Variants in ENTPD8 observed in about 807,000 individuals in gnomAD.
The protein encoded by ENTPD8 is E-NTPDase 8.
Under a neutral mutation model 47.0 loss-of-function variants are expected in ENTPD8, and 35 were observed. The observed-to-expected ratio is 0.75, with a 90% confidence interval of 0.57 to 0.99. The LOEUF is 0.99. Ranked by LOEUF, ENTPD8 falls within the 50% of genes least tolerant of loss-of-function variation. The pLI is 0.00. For missense variants in ENTPD8, 668 were observed against 649.9 expected (o/e 1.03, Z -0.30); for synonymous variants, 308 against 290.5 (o/e 1.06, Z -0.61).
At position 137,436,208 on chromosome 9, in the gene ENTPD8, G is replaced by T. The variant is rs1346309131; in HGVS notation, c.855C>A (p.Gly285=). 10 of 1,612,178 alleles carry T rather than the reference G, an allele frequency of 6.2e-6. No individual in the cohort carries two copies. The highest frequency in any genetic ancestry group is 2.2e-5 in the South Asian group (2 of 91,080). ...LSGYQTTLAL[G]PLYESPCVHA... is the part of the protein sequence containing the mutation. ...GGACACAGGGTGACTCATACAGCGG[G>T]CCCAGGGCCAGTGTGGTCTGGTAGC... Residue 285 remains glycine (G), a synonymous_variant, in exon 7 of 10, where the codon GGC becomes GGA. Transcript: ENST00000371506.
intron 8 of ENTPD8, 55 bp from the exon 9 acceptor site, chr9:137,435,393 G>T: frequency 6.4e-7 from 1 of 1,572,388 alleles, no homozygotes. Flanking sequence ...CCAGTCATGC[G>T]GGGACCGCCC....
rs759971648 is a variant in ENTPD8, at chr9:137,436,266, G to A, written c.797C>T (p.Ala266Val). 10 of 1,591,826 alleles carry A rather than the reference G, an allele frequency of 6.3e-6. No homozygotes were observed. In the South Asian group the frequency reaches 1.1e-4, roughly 18 times the overall value. Residue 266 changes from alanine to valine, a missense_variant, in exon 7 of 10, where the codon GCT becomes GTT. Ala to Val is a moderately conservative substitution (Grantham distance 64). Transcript: ENST00000371506. Reference protein sequence around the residue: ...LLVGLVQSRPAALLRHPCYLS... With the variant: ...LLVGLVQSRPVALLRHPCYLS... ...GTAGCACGGGTGACGGAGCAGGGCA[G>A]CCGGGCGGCTCTGCAGAGGGCAGGG...
At chr9:137,437,130 C>T (rs371537336) in intron 4 of ENTPD8, 29 bp downstream of exon 4, 197 of 1,608,486 alleles carry the variant, frequency 1.2e-4, no homozygotes, top group Middle Eastern at 1.7e-4. Context: ...AGCCACTCCC[C>T]GTGGGTGCCA....
At chr9:137,439,920 GCCCCCAGACCAGGAGAGC>G (rs1839474003) in intron 1 of ENTPD8, among the ~76,000 whole-genome samples, 1 of 70,910 alleles carries the variant, frequency 1.4e-5, no homozygotes, top group Non-Finnish European at 2.6e-5. Flanking sequence ...CCAGGACAGT[GCCCCCAGACCAGGAGAGC>G]CCCCCAGACC....
Position 137,438,186 on chromosome 9 carries a change from T to C in ENTPD8, c.100A>G (p.Ser34Gly). The C allele has an allele frequency of 6.2e-7, 1 of 1,608,938 alleles. No individual in the cohort carries two copies. The highest frequency in any genetic ancestry group is 8.5e-7 in the Non-Finnish European group (1 of 1,178,074). Residue 34 changes from serine to glycine, a missense_variant, in exon 2 of 10, where the codon AGC (serine) becomes GGC (glycine). Transcript: ENST00000371506. This position sits in a 1 kb window ranked among gnomAD's most constrained non-coding sequence, Gnocchi z 5.7. ...ALILLLVEAT[S>G]VLLPTDIKFG... Reference sequence around the variant, plus strand: ...TTGATGTCTGTGGGCAGGAGCACGCTGGTGGCCTCCACCAGGAGGAGAATG... The same window carrying C: ...TTGATGTCTGTGGGCAGGAGCACGCCGGTGGCCTCCACCAGGAGGAGAATG...
chr9:137,435,666 C>A, intron 8 of ENTPD8, 53 bp downstream of exon 8: 1 of 1,519,876 alleles, frequency 6.6e-7, no homozygotes, highest in Non-Finnish European at 9.1e-7. Flanking sequence ...CCCGAGGCAG[C>A]CCTGTACCCT....
rs1286401647 is a variant in ENTPD8 at position 137,434,788 on chromosome 9, TG to T, written c.*125del. ...CACCACCCTGACGGTGCCCTGGAGG[TG>T]GCTGTCACCTGACCGTGGGCAGAGC... On this transcript the variant is annotated 3_prime_UTR_variant, in exon 10 of 10. Coordinates refer to ENST00000371506, the MANE Select transcript of ENTPD8 (RefSeq NM_001033113.2). 2.1e-5 allele frequency: 26 copies of T among 1,211,624 alleles called. No individual in the cohort carries two copies. In the African/African-American group the frequency reaches 3.7e-4, roughly 17 times the overall value. The allele number at this position is 1,211,624 out of a possible 1,614,324, so 75.1% of individuals were successfully genotyped here.
Position 137,434,903 on chromosome 9 carries a change from C to A in ENTPD8, c.*11G>T. The A allele has an allele frequency of 6.2e-7, 1 of 1,600,520 alleles. No homozygotes were observed. The highest frequency in any genetic ancestry group is 8.5e-7 in the Non-Finnish European group (1 of 1,173,226). On this transcript the variant is annotated 3_prime_UTR_variant, in exon 10 of 10. Coordinates refer to ENST00000371506, the MANE Select transcript of ENTPD8 (RefSeq NM_001033113.2). The stretch of plus-strand genomic sequence containing the variant: ...CTGTGGGCTCTGTGGGGGCCCACCT[C>A]CGCCTTCCCACTAGTCCTGCAACCA...
intron 9 of ENTPD8, 42 bp from the exon 10 acceptor site, chr9:137,435,147 C>G (rs372533240): frequency 6.2e-7 from 1 of 1,602,314 alleles, no homozygotes; most frequent in Non-Finnish European, 8.5e-7. Flanking sequence ...GGCAGCTACC[C>G]CAGGACCACG....
At position 137,438,126 on chromosome 9, in the gene ENTPD8, C is replaced by G. The variant is rs1839420173; in HGVS notation, c.126+34G>C. 1 of 1,609,896 alleles carries G rather than the reference C, an allele frequency of 6.2e-7. No individual in the cohort carries two copies. Among genetic ancestry groups the G allele is most frequent in the Admixed American group, 1.7e-5 (1 of 59,860 alleles). On this transcript the variant is annotated intron_variant, in intron 2 of 9. Transcript: ENST00000371506. The surrounding 1 kb of genome is among the most constrained non-coding windows in gnomAD (Gnocchi z 5.7). The stretch of plus-strand genomic sequence containing the variant: ...ATGAGTGGGAGGCAACACCTGTGGA[C>G]CCGGCCCGGCCTCCCCTGCCGGCGG...
At position 137,437,027 on chromosome 9, in the gene ENTPD8, G is replaced by A. The variant is rs183326706; in HGVS notation, c.397C>T (p.Arg133Trp). ...GATAGMRLLS[R>W]KNSSQARDIF... is the part of the protein sequence containing the mutation. The stretch of plus-strand genomic sequence containing the variant: ...TCCCTGGCCTGAGAGCTGTTCTTCC[G>A]GCTGGGCACAGAGGACCAGGGGCTG... Residue 133 changes from arginine (R) to tryptophan (W), a missense_variant and splice_region_variant, in exon 5 of 10, where the codon CGG becomes TGG. Coordinates refer to ENST00000371506, the MANE Select transcript of ENTPD8 (RefSeq NM_001033113.2). The A allele has an allele frequency of 1.7e-4, 275 of 1,611,974 alleles. No individual in the cohort carries two copies. Among genetic ancestry groups the A allele is most frequent in the Admixed American group, 6.3e-4 (38 of 59,978 alleles).
intron 4 of ENTPD8, 61 bp from the exon 5 acceptor site, chr9:137,437,089 C>G: frequency 6.2e-7 from 1 of 1,601,034 alleles, no homozygotes; most frequent in Non-Finnish European, 8.5e-7. Context: ...CCCACCCTGC[C>G]TGCCACGCTG....
In ENTPD8 at chr9:137,436,096, G is replaced by A. The variant is rs748751798; in HGVS notation, c.967C>T (p.Leu323Phe). ...CCCTGGCAGCTGGAGAAGTTGAAAAGTTCCCGGATGGCTGAGACGCAGGCT... is the reference window on the plus strand; with the variant it reads ...CCCTGGCAGCTGGAGAAGTTGAAAAATTCCCGGATGGCTGAGACGCAGGCT... ...PGACVSAIRELFNFSSCQGQE... is the reference protein window; with the variant it reads ...PGACVSAIREFFNFSSCQGQE... The change falls in exon 7 of 10, where the codon CTT becomes TTT. Residue 323 changes from leucine to phenylalanine, a missense_variant. Leu to Phe is a conservative substitution (Grantham distance 22). Coordinates refer to ENST00000371506, the MANE Select transcript of ENTPD8 (RefSeq NM_001033113.2). 1.2e-6 allele frequency: 2 copies of A among 1,613,022 alleles called. No individual in the cohort carries two copies. The highest frequency in any genetic ancestry group is 1.7e-6 in the Non-Finnish European group (2 of 1,179,992).
chr9:137,439,480 C>T (rs912251384), intron 1 of ENTPD8, among the ~76,000 whole-genome samples: 2 of 152,144 alleles, frequency 1.3e-5, no homozygotes, highest in Admixed American at 6.5e-5. Flanking sequence ...GAGTGGCAGG[C>T]GCGGGTGCTG....
intron 6 of ENTPD8, 31 bp from the exon 7 acceptor site, chr9:137,436,307 C>T (rs748462317): frequency 3.3e-6 from 5 of 1,532,544 alleles, no homozygotes; most frequent in Non-Finnish European, 4.4e-6. Context: ...TGAGCACCAG[C>T]CGCACACCTG....
rs764348127 is a variant in ENTPD8, at chr9:137,438,128, C to T, written c.126+32G>A. 20 of 1,609,706 alleles carry T rather than the reference C, an allele frequency of 1.2e-5. No individual in the cohort carries two copies. The highest frequency in any genetic ancestry group is 8.8e-5 in the South Asian group (8 of 90,954). ...GAGTGGGAGGCAACACCTGTGGACC[C>T]GGCCCGGCCTCCCCTGCCGGCGGGG... On this transcript the variant is annotated intron_variant, in intron 2 of 9. Transcript: ENST00000371506. The surrounding 1 kb of genome is among the most constrained non-coding windows in gnomAD (Gnocchi z 5.7).
At chr9:137,439,848 C>T (rs575024477) in intron 1 of ENTPD8, among the ~76,000 whole-genome samples, 6 of 151,938 alleles carry the variant, frequency 3.9e-5, no homozygotes, top group African/African-American at 1.4e-4. Flanking sequence ...AACAGCCTCC[C>T]AGATCAGAAC....
intron 1 of ENTPD8, among the ~76,000 whole-genome samples, chr9:137,440,178 C>G (rs1839485711): frequency 9.1e-6 from 1 of 110,492 alleles, no homozygotes; most frequent in Admixed American, 8.7e-5. Context: ...AGGACATCCC[C>G]TCACACAGAA....
Position 137,438,241 on chromosome 9 carries a change from C to T in ENTPD8, c.45G>A (p.Gly15=). ...RKEQVFLALL[G]ASGVSGLTAL... The stretch of plus-strand genomic sequence containing the variant: ...CCGTGAGGCCTGAGACCCCCGAGGC[C>T]CCCAGCAGGGCCAAGAAGACCTGCT... The change falls in exon 2 of 10, where the codon GGG becomes GGA. Residue 15 remains glycine, a synonymous_variant. Coordinates refer to ENST00000371506, the MANE Select transcript of ENTPD8 (RefSeq NM_001033113.2). The surrounding 1 kb of genome is among the most constrained non-coding windows in gnomAD (Gnocchi z 5.7). The T allele has an allele frequency of 6.2e-7, 1 of 1,600,302 alleles. No individual in the cohort carries two copies. The highest frequency in any genetic ancestry group is 8.5e-7 in the Non-Finnish European group (1 of 1,173,998).
Sources: gnomAD v4.1 joint callset for allele counts (sites outside exome capture counted in the v4.1 genomes callset) on GRCh38, gnomAD v4.1.1 for gene constraint, Gnocchi (gnomAD v3.1) non-coding constraint, MANE v1.5 for transcripts, NCBI Gene and HGNC (gene_info 2026-07-23, HGNC 2026-07-21) for gene names.